Variants in KCNMA1 observed in about 807,000 individuals in gnomAD.
The protein encoded by KCNMA1 is potassium calcium-activated channel subfamily M alpha 1, also known as Calcium-activated potassium channel subunit alpha-1.
Under a neutral mutation model 140.0 loss-of-function variants are expected in KCNMA1, and 29 were observed. The ratio of observed to expected loss-of-function variants is 0.21; its 90% CI spans 0.15 to 0.28. KCNMA1 has a LOEUF of 0.28. KCNMA1 is among the 10% of genes least tolerant of loss of function. The probability of loss-of-function intolerance (pLI) is 1.00; values close to 1 mark genes in which losing one functional copy is unlikely to be tolerated. For missense variants in KCNMA1, 880 were observed against 1,602.2 expected (o/e 0.55, Z 7.70); for synonymous variants, 612 against 611.9 (o/e 1.00, Z 0.00).
intron 5 of KCNMA1, among the ~76,000 whole-genome samples, chr10:77,182,695 T>C (rs527430194): frequency 2.0e-5 from 3 of 152,336 alleles, no homozygotes; most frequent in African/African-American, 7.2e-5. Context: ...CCTTCTTCCC[T>C]AGTAGACCCC....
intron 5 of KCNMA1, among the ~76,000 whole-genome samples, chr10:77,179,316 G>T (rs1257241545): frequency 6.6e-6 from 1 of 152,064 alleles, no homozygotes; most frequent in Non-Finnish European, 1.5e-5. Context: ...CAATATCCGG[G>T]GTGTTCTTAA....
chr10:77,148,729 G>A (rs961969278), intron 5 of KCNMA1, among the ~76,000 whole-genome samples: 1 of 152,166 alleles, frequency 6.6e-6, no homozygotes, highest in African/African-American at 2.4e-5. Context: ...ATTGGAGTGA[G>A]AAAACTAGCC....
At chr10:77,568,090 C>A (rs1269087282) in intron 1 of KCNMA1, among the ~76,000 whole-genome samples, 1 of 152,206 alleles carries the variant, frequency 6.6e-6, no homozygotes, top group East Asian at 1.9e-4. Context: ...TGGCAATAAT[C>A]AATAGCTTAC....
chr10:77,539,124 C>G (rs2059596311), intron 1 of KCNMA1, among the ~76,000 whole-genome samples: 1 of 152,204 alleles, frequency 6.6e-6, no homozygotes, highest in South Asian at 2.1e-4. Context: ...CCAGCTCCCC[C>G]ACCCTAGGTA....
At chr10:77,048,333 C>G (rs112118771) in intron 14 of KCNMA1, among the ~76,000 whole-genome samples, 1 of 152,188 alleles carries the variant, frequency 6.6e-6, no homozygotes, top group Non-Finnish European at 1.5e-5. Context: ...ATGGACCACA[C>G]TTGGAATTGT....
chr10:77,589,038 G>T (rs1247312322), intron 1 of KCNMA1, among the ~76,000 whole-genome samples: 4 of 152,184 alleles, frequency 2.6e-5, no homozygotes, highest in African/African-American at 9.7e-5. Context: ...CACAAAAGTG[G>T]CCATGCACAA....
At chr10:77,632,716 C>T (rs866064825) in intron 1 of KCNMA1, among the ~76,000 whole-genome samples, 18 of 152,292 alleles carry the variant, frequency 1.2e-4, no homozygotes, top group Non-Finnish European at 2.4e-4. Context: ...TAGTCTGCGC[C>T]CTTCAGGGGC....
chr10:77,299,789 C>T (rs1015703340), intron 2 of KCNMA1, among the ~76,000 whole-genome samples: 1 of 152,198 alleles, frequency 6.6e-6, no homozygotes, highest in Non-Finnish European at 1.5e-5. Flanking sequence ...TTGGGGCAAA[C>T]TGGCATGGGA....
chr10:76,900,106 T>C (rs927987650), intron 25 of KCNMA1, among the ~76,000 whole-genome samples: 1 of 152,068 alleles, frequency 6.6e-6, no homozygotes, highest in Non-Finnish European at 1.5e-5. Flanking sequence ...TTTAATGTTT[T>C]CAATTATCAT....
At chr10:76,980,800 T>C (rs2079196817) in intron 19 of KCNMA1, among the ~76,000 whole-genome samples, 1 of 152,068 alleles carries the variant, frequency 6.6e-6, no homozygotes, top group Non-Finnish European at 1.5e-5. Context: ...AAATAAAGAT[T>C]TTAAGGCATG....
Position 76,944,846 on chromosome 10 carries a change from G to A in KCNMA1, c.2829C>T (p.Cys943=). 6.2e-7 allele frequency: 1 copy of A among 1,614,172 alleles called. No homozygotes were observed. Among genetic ancestry groups the A allele is most frequent in the Non-Finnish European group, 8.5e-7 (1 of 1,180,006 alleles). ...ATTTGATGTTGAGTGACGCCAAGATGCATTCCTTGTCCTGCAGCGAAGTAT... is the reference window on the plus strand; with the variant it reads ...ATTTGATGTTGAGTGACGCCAAGATACATTCCTTGTCCTGCAGCGAAGTAT... The part of the protein sequence containing the change: ...IDDTSLQDKE[C]ILASLNIKSM... Residue 943 remains cysteine (C), a synonymous_variant, in exon 23 of 28, where the codon TGC becomes TGT. Transcript: ENST00000286628.
chr10:77,439,127 G>GAAGAGAAGAGAA (rs2097332976), intron 1 of KCNMA1, among the ~76,000 whole-genome samples: 1 of 145,486 alleles, frequency 6.9e-6, no homozygotes, highest in African/African-American at 2.6e-5. Context: ...GAAGAGAAGA[G>GAAGAGAAGAGAA]AAGAGAAGAG....
intron 1 of KCNMA1, among the ~76,000 whole-genome samples, chr10:77,626,406 T>C (rs1378552763): frequency 6.6e-6 from 1 of 152,162 alleles, no homozygotes; most frequent in African/African-American, 2.4e-5. Context: ...TGTTCCCAGA[T>C]GCAGGAAGGA....
chr10:77,410,478 C>A (rs527270044), intron 1 of KCNMA1, among the ~76,000 whole-genome samples: 1 of 152,358 alleles, frequency 6.6e-6, no homozygotes, highest in South Asian at 2.1e-4. Context: ...TCGGGTTTAA[C>A]TACGTGTCAG....
At chr10:77,595,904 C>T (rs191814325) in intron 1 of KCNMA1, among the ~76,000 whole-genome samples, 193 of 152,278 alleles carry the variant, frequency 1.3e-3, no homozygotes, top group African/African-American at 4.5e-3. Context: ...TCCGCCTCGA[C>T]CTCCCAAAGT....
At chr10:77,514,907 T>G (rs1344170149) in intron 1 of KCNMA1, among the ~76,000 whole-genome samples, 2 of 152,136 alleles carry the variant, frequency 1.3e-5, no homozygotes, top group Non-Finnish European at 2.9e-5. Flanking sequence ...TGTTTTTTTT[T>G]GTTTTTTTTC....
intron 6 of KCNMA1, among the ~76,000 whole-genome samples, chr10:77,116,201 C>A (rs976140770): frequency 6.6e-6 from 1 of 152,192 alleles, no homozygotes; most frequent in Non-Finnish European, 1.5e-5. Context: ...TAAAGTCAAT[C>A]ATTCTCATGT....
chr10:77,441,694 C>G (rs570249916), intron 1 of KCNMA1, among the ~76,000 whole-genome samples: 1 of 152,316 alleles, frequency 6.6e-6, no homozygotes, highest in African/African-American at 2.4e-5. Flanking sequence ...TCTCCCCTCT[C>G]TTCCCTCCTG....
chr10:77,195,057 T>C (rs767435637), intron 3 of KCNMA1, among the ~76,000 whole-genome samples: 2 of 151,948 alleles, frequency 1.3e-5, no homozygotes, highest in Non-Finnish European at 2.9e-5. Flanking sequence ...GTTGTTATTG[T>C]TGTTGTTGTT....
Sources: allele counts gnomAD v4.1 joint callset (sites outside exome capture counted in the v4.1 genomes callset), GRCh38; gene constraint gnomAD v4.1.1; transcripts MANE v1.5; gene names NCBI Gene and HGNC (gene_info 2026-07-23, HGNC 2026-07-21).